The following FMN1 variants were observed in gnomAD, a reference collection of about 807,000 sequenced individuals.
The protein encoded by FMN1 is formin-1.
A neutral mutation model predicts 132.4 loss-of-function variants in FMN1; 110 were observed. The observed-to-expected ratio is 0.83, with a 90% CI of 0.71 to 0.97. The LOEUF (loss-of-function observed/expected upper bound fraction) is 0.97, where lower values mean the gene tolerates loss of function less well. Ranked by LOEUF, FMN1 falls within the 50% of genes least tolerant of loss-of-function variation. The pLI, the probability that FMN1 is intolerant of heterozygous loss-of-function variation, is 0.00. For missense variants in FMN1, 1,792 were observed against 1,705.3 expected, an observed-to-expected ratio of 1.05 and a Z score of -0.90; for synonymous variants, 722 against 651.7, an observed-to-expected ratio of 1.11 and a Z score of -1.64.
intron 3 of FMN1, among the ~76,000 whole-genome samples, chr15:33,155,900 A>C (rs976051849): frequency 1.3e-5 from 2 of 152,178 alleles, no homozygotes; most frequent in Non-Finnish European, 2.9e-5. Context: ...CCATCCCCAC[A>C]CACAAACTCT....
At chr15:32,845,245 C>A (rs1372465932) in intron 17 of FMN1, among the ~76,000 whole-genome samples, 1 of 152,194 alleles carries the variant, frequency 6.6e-6, no homozygotes, top group African/African-American at 2.4e-5. Flanking sequence ...GGCAATTTAT[C>A]ATGAGAACAA....
chr15:32,891,765 TC>T (rs1361778177), intron 15 of FMN1, among the ~76,000 whole-genome samples: 1 of 152,190 alleles, frequency 6.6e-6, no homozygotes, highest in East Asian at 1.9e-4. Context: ...GTCTTTTGAC[TC>T]CTTAGGTATA....
At chr15:32,965,034 C>T (rs2031065169) in intron 8 of FMN1, among the ~76,000 whole-genome samples, 1 of 152,312 alleles carries the variant, frequency 6.6e-6, no homozygotes, top group South Asian at 2.1e-4. Context: ...CCAGTGGTCA[C>T]TCCTCAGGGT....
Position 33,154,514 on chromosome 15 carries a change from T to C in FMN1, c.401A>G (p.Gln134Arg), listed in dbSNP as rs554892734. Residue 134 changes from glutamine (Q) to arginine (R), a missense_variant, in exon 4 of 21, where the codon CAG becomes CGG. This residue lies in a region of FMN1 where 638 missense variants were observed against 645.2 expected (regional missense o/e 0.99). Coordinates refer to ENST00000616417, the MANE Select transcript of FMN1 (RefSeq NM_001277313.2). ...VSLAPEDDCF[Q>R]SAGDWQGELP... ...CTCTCCCTGCCAGTCACCAGCACTCTGGAAACAGTCATCCTCGGGGGCCAG... is the reference window on the plus strand; with the variant it reads ...CTCTCCCTGCCAGTCACCAGCACTCCGGAAACAGTCATCCTCGGGGGCCAG... The C allele has an allele frequency of 1.3e-6, 2 of 1,535,950 alleles. No homozygotes were observed. Among genetic ancestry groups the C allele is most frequent in the African/African-American group, 2.7e-5 (2 of 73,020 alleles).
intron 6 of FMN1, among the ~76,000 whole-genome samples, chr15:33,061,686 T>C (rs1453008936): frequency 1.3e-5 from 2 of 152,100 alleles, no homozygotes; most frequent in African/African-American, 2.4e-5. Flanking sequence ...CTGAGATGTA[T>C]TGTAATGCTA....
At chr15:32,779,529 C>T (rs574296681) in intron 19 of FMN1, among the ~76,000 whole-genome samples, 9 of 152,000 alleles carry the variant, frequency 5.9e-5, no homozygotes, top group African/African-American at 1.9e-4. Flanking sequence ...GTACACTCTA[C>T]GAGCCATCAA....
intron 17 of FMN1, among the ~76,000 whole-genome samples, chr15:32,813,829 TTTGA>T (rs1201816693): frequency 5.9e-5 from 9 of 152,138 alleles, no homozygotes; most frequent in Admixed American, 5.9e-4. Context: ...ATCCAGGCCT[TTTGA>T]CTAATAATTT....
chr15:32,791,753 C>A (rs2057086983), intron 19 of FMN1, among the ~76,000 whole-genome samples: 1 of 152,162 alleles, frequency 6.6e-6, no homozygotes, highest in Non-Finnish European at 1.5e-5. Context: ...AAATAATTCT[C>A]ATTCCAGCCT....
chr15:33,002,002 C>T (rs977444579), intron 7 of FMN1, among the ~76,000 whole-genome samples: 1 of 152,098 alleles, frequency 6.6e-6, no homozygotes, highest in Non-Finnish European at 1.5e-5. Flanking sequence ...GTGGGGGAAA[C>T]TGAACAATTA....
intron 4 of FMN1, among the ~76,000 whole-genome samples, chr15:33,104,818 C>T (rs1485106943): frequency 6.6e-6 from 1 of 152,136 alleles, no homozygotes; most frequent in Non-Finnish European, 1.5e-5. Context: ...GGATTTGACA[C>T]TACTTGCTTT....
chr15:33,081,126 G>C (rs544824845), intron 5 of FMN1, among the ~76,000 whole-genome samples: 3 of 152,220 alleles, frequency 2.0e-5, no homozygotes, highest in Admixed American at 2.0e-4. Flanking sequence ...TTAAACCCTT[G>C]CATTTCGCTT....
chr15:32,993,741 A>C (rs1443911014), intron 7 of FMN1, among the ~76,000 whole-genome samples: 1 of 152,188 alleles, frequency 6.6e-6, no homozygotes, highest in African/African-American at 2.4e-5. Context: ...AGCAACCCTC[A>C]GCACCGGTAG....
At chr15:32,858,112 C>G (rs1244639538) in intron 16 of FMN1, among the ~76,000 whole-genome samples, 2 of 152,154 alleles carry the variant, frequency 1.3e-5, no homozygotes, top group Non-Finnish European at 2.9e-5. Context: ...TACTACAGAT[C>G]TTGGAGCAAT....
At chr15:33,168,323 G>A (rs1285117126) in intron 3 of FMN1, among the ~76,000 whole-genome samples, 2 of 152,168 alleles carry the variant, frequency 1.3e-5, no homozygotes, top group African/African-American at 4.8e-5. Context: ...AGAAAAATAT[G>A]GTTAACAGAT....
At chr15:33,040,534 T>C (rs2036384368) in intron 6 of FMN1, among the ~76,000 whole-genome samples, 1 of 152,180 alleles carries the variant, frequency 6.6e-6, no homozygotes, top group African/African-American at 2.4e-5. Flanking sequence ...TTTATAACAG[T>C]GGAATTAATA....
intron 4 of FMN1, among the ~76,000 whole-genome samples, chr15:33,130,323 A>T (rs957043588): frequency 6.6e-6 from 1 of 152,230 alleles, no homozygotes; most frequent in Non-Finnish European, 1.5e-5. Context: ...TATATACATA[A>T]ATATACACAC....
intron 8 of FMN1, 139 bp downstream of exon 8, chr15:32,968,575 T>C (rs1231815556): frequency 6.2e-6 from 8 of 1,288,528 alleles, no homozygotes; most frequent in East Asian, 2.6e-5. Context: ...CATCCCAACA[T>C]TGTTTATCCA....
intron 17 of FMN1, among the ~76,000 whole-genome samples, chr15:32,832,830 G>A (rs548524461): frequency 2.0e-5 from 3 of 152,156 alleles, no homozygotes; most frequent in African/African-American, 7.2e-5. Context: ...GATGATACGG[G>A]GGTTATTTGC....
At chr15:33,081,345 G>A (rs916700891) in intron 5 of FMN1, among the ~76,000 whole-genome samples, 2 of 151,982 alleles carry the variant, frequency 1.3e-5, no homozygotes, top group African/African-American at 4.8e-5. Context: ...ACGTATTTTG[G>A]GGTACGTGTG....
Sources: allele counts gnomAD v4.1 joint callset (sites outside exome capture counted in the v4.1 genomes callset), GRCh38; gene constraint gnomAD v4.1.1; regional missense constraint gnomAD v4.1.1; transcripts MANE v1.5; gene names NCBI Gene and HGNC (gene_info 2026-07-23, HGNC 2026-07-21).